THOC2: variants seen among roughly 807,000 people sequenced by gnomAD.
The protein encoded by THOC2 is THO complex 2.
A neutral mutation model predicts 128.4 loss-of-function variants in THOC2; 10 were observed. That is an observed-to-expected ratio of 0.08 (90% CI 0.05 to 0.13). The LOEUF is 0.13. THOC2 is among the 10% of genes least tolerant of loss of function. The pLI, the probability that THOC2 is intolerant of heterozygous loss-of-function variation, is 1.00. For missense variants in THOC2, 535 were observed against 1,155.7 expected (o/e 0.46, Z 7.79); for synonymous variants, 393 against 396.9 (o/e 0.99, Z 0.12).
At chrX:123,727,717 C>T (rs2052056184) in intron 1 of THOC2, among the ~76,000 whole-genome samples, 1 of 112,235 alleles carries the variant, frequency 8.9e-6, no homozygotes, top group Non-Finnish European at 1.9e-5. Context: ...GCTGGGATTA[C>T]AGGTGTGTGC....
chrX:123,656,775 G>C (rs902914507), intron 12 of THOC2, among the ~76,000 whole-genome samples: 1 of 110,855 alleles, frequency 9.0e-6, no homozygotes, highest in Non-Finnish European at 1.9e-5. Context: ...TTTGGGAGGC[G>C]GAGGTGGGTA....
intron 21 of THOC2, 79 bp downstream of exon 21, chrX:123,632,782 T>C (rs1019246834): frequency 3.5e-6 from 3 of 869,073 alleles, no homozygotes; most frequent in Non-Finnish European, 4.9e-6. Context: ...AAAAATGACA[T>C]TTTTCAAATT....
intron 32 of THOC2, 94 bp downstream of exon 32, chrX:123,620,813 G>A: frequency 2.3e-6 from 2 of 854,316 alleles, no homozygotes; most frequent in South Asian, 5.9e-5. Context: ...TGGCTCCAGT[G>A]AATGCTTGGC....
At chrX:123,605,317 G>C (rs1165988994) in intron 38 of THOC2, among the ~76,000 whole-genome samples, 1 of 111,730 alleles carries the variant, frequency 9.0e-6, no homozygotes, top group Admixed American at 9.5e-5. Flanking sequence ...AAGTGGAAGA[G>C]CAAGGAAATA....
At chrX:123,710,822 T>C (rs887022421) in intron 2 of THOC2, among the ~76,000 whole-genome samples, 1 of 107,231 alleles carries the variant, frequency 9.3e-6, no homozygotes, top group African/African-American at 3.4e-5. Context: ...AAACCCCGTC[T>C]CTACTAAAAA....
Position 123,624,550 on chromosome X carries a change from T to C in THOC2, c.3177A>G (p.Thr1059=). 1.7e-6 allele frequency: 2 copies of C among 1,208,727 alleles called. No homozygotes were observed. The highest frequency in any genetic ancestry group is 1.1e-6 in the Non-Finnish European group (1 of 893,903). ...TTTTTATTAGTCATACCTTTTCATA[T>C]GTGGCTCTATCACTATGCCACCTGG... ...TVTRWHSDRA[T]YEKECGNYPG... The change falls in exon 26 of 39, where the codon ACA becomes ACG. Residue 1059 remains threonine, a synonymous_variant. Coordinates refer to ENST00000245838, the MANE Select transcript of THOC2 (RefSeq NM_001081550.2).
chrX:123,722,139 C>G (rs1195715947), intron 1 of THOC2, among the ~76,000 whole-genome samples: 1 of 112,008 alleles, frequency 8.9e-6, no homozygotes, highest in Non-Finnish European at 1.9e-5. Flanking sequence ...TTAGTTCAAC[C>G]ATTGTGGAAG....
chrX:123,660,073 A>G (rs2048767466), intron 12 of THOC2, among the ~76,000 whole-genome samples: 1 of 112,001 alleles, frequency 8.9e-6, no homozygotes, highest in Non-Finnish European at 1.9e-5. Flanking sequence ...GAAAACGCAG[A>G]TTTCTTCTTA....
chrX:123,621,981 G>T (rs1203850739), intron 30 of THOC2, among the ~76,000 whole-genome samples: 1 of 111,883 alleles, frequency 8.9e-6, no homozygotes, highest in African/African-American at 3.2e-5. Flanking sequence ...GGAGGCAGAG[G>T]TTGCAGTGAG....
chrX:123,647,840 C>CAAAAAA (rs60123342), intron 12 of THOC2, among the ~76,000 whole-genome samples: 4 of 37,505 alleles, frequency 1.1e-4, no homozygotes, highest in Non-Finnish European at 1.3e-4. Context: ...GACTCTGTCT[C>CAAAAAA]AAAAAAAAAA....
chrX:123,669,108 T>C (rs1326018929), intron 9 of THOC2, among the ~76,000 whole-genome samples: 1 of 106,612 alleles, frequency 9.4e-6, no homozygotes, highest in Non-Finnish European at 1.9e-5. Context: ...ATGTAAACAG[T>C]AAATGAAAAT....
At chrX:123,638,531 C>T (rs1023068341) in intron 17 of THOC2, among the ~76,000 whole-genome samples, 80 of 110,648 alleles carry the variant, frequency 7.2e-4, no homozygotes, top group African/African-American at 2.2e-3. Flanking sequence ...TGGTAGCACA[C>T]GCCTATAATC....
At chrX:123,681,133 G>A (rs1037228984) in intron 8 of THOC2, among the ~76,000 whole-genome samples, 2 of 111,774 alleles carry the variant, frequency 1.8e-5, no homozygotes, top group African/African-American at 6.5e-5. Flanking sequence ...TTCAAGGAAA[G>A]CAAACAGCCT....
At chrX:123,728,235 G>A (rs2052079363) in intron 1 of THOC2, among the ~76,000 whole-genome samples, 1 of 108,923 alleles carries the variant, frequency 9.2e-6, no homozygotes, top group Non-Finnish European at 1.9e-5. Flanking sequence ...AAGGAAACAG[G>A]AAATGTTAAA....
At chrX:123,647,811 A>G (rs2048187960) in intron 12 of THOC2, among the ~76,000 whole-genome samples, 1 of 92,489 alleles carries the variant, frequency 1.1e-5, no homozygotes. Flanking sequence ...ACTGCACTCC[A>G]GCCTAAGCAA....
intron 20 of THOC2, among the ~76,000 whole-genome samples, chrX:123,633,734 A>ATTAC (rs769527336): frequency 2.7e-5 from 3 of 112,102 alleles, no homozygotes; most frequent in Non-Finnish European, 5.6e-5. Flanking sequence ...TTACGGATGC[A>ATTAC]TTACTTACTG....
At chrX:123,669,013 A>C (rs1243623330) in intron 9 of THOC2, among the ~76,000 whole-genome samples, 2 of 111,853 alleles carry the variant, frequency 1.8e-5, no homozygotes, top group African/African-American at 6.5e-5. Flanking sequence ...ATTACTCAGT[A>C]GTTTCTGCTA....
intron 8 of THOC2, among the ~76,000 whole-genome samples, chrX:123,678,429 C>A (rs2049603407): frequency 9.1e-6 from 1 of 109,292 alleles, no homozygotes; most frequent in Non-Finnish European, 1.9e-5. Flanking sequence ...CCAAGCCCAG[C>A]TAATTTTTCC....
chrX:123,694,600 T>A (rs1361299710), intron 7 of THOC2, among the ~76,000 whole-genome samples: 1 of 72,061 alleles, frequency 1.4e-5, no homozygotes, highest in African/African-American at 5.0e-5. Context: ...GGAGTGAGAC[T>A]CCATCTAAAA....
Sources: allele counts gnomAD v4.1 joint callset (sites outside exome capture counted in the v4.1 genomes callset), GRCh38; gene constraint gnomAD v4.1.1; transcripts MANE v1.5; gene names NCBI Gene and HGNC (gene_info 2026-07-23, HGNC 2026-07-21).